Variants in PALS1 observed in about 807,000 individuals in gnomAD.
The protein encoded by PALS1 is protein PALS1.
In PALS1, 31 loss-of-function variants were observed where a neutral mutation model predicts 78.9. That is an observed-to-expected ratio of 0.39 (90% CI 0.30 to 0.53). The LOEUF is 0.53. Ranked by LOEUF, PALS1 falls within the 20% of genes least tolerant of loss-of-function variation. The pLI, the probability that PALS1 is intolerant of heterozygous loss-of-function variation, is 0.67. For missense variants in PALS1, 704 were observed against 826.5 expected (o/e 0.85, Z 1.82); for synonymous variants, 276 against 270.9 (o/e 1.02, Z -0.18).
intron 1 of PALS1, among the ~76,000 whole-genome samples, chr14:67,260,793 T>C (rs1045169376): frequency 3.9e-5 from 6 of 152,168 alleles, no homozygotes; most frequent in African/African-American, 1.4e-4. Context: ...TAAACTTCCT[T>C]TGGGAATGTG....
At chr14:67,253,818 GC>G (rs2084100333) in intron 1 of PALS1, among the ~76,000 whole-genome samples, 1 of 151,138 alleles carries the variant, frequency 6.6e-6, no homozygotes, top group South Asian at 2.1e-4. Flanking sequence ...TTCAGTCTGG[GC>G]AACAGTGAGA....
intron 8 of PALS1, among the ~76,000 whole-genome samples, chr14:67,311,762 C>T (rs2140945682): frequency 6.6e-6 from 1 of 152,264 alleles, no homozygotes; most frequent in Middle Eastern, 3.4e-3. Flanking sequence ...TCCAAAAACA[C>T]ATTATTAGCA....
At position 67,335,885 on chromosome 14, in the gene PALS1, CTCT is replaced by C. The variant is rs980205739; in HGVS notation, c.*2932_*2934del. ...TTCCACACATGTAAAGACCACCCTCCTCTTCAAGTTTTTGCCAAAAGCAAGACC... is the reference window on the plus strand; with the variant it reads ...TTCCACACATGTAAAGACCACCCTCCTCAAGTTTTTGCCAAAAGCAAGACC... On this transcript the variant is annotated 3_prime_UTR_variant, in exon 15 of 15. Coordinates refer to ENST00000261681, the MANE Select transcript of PALS1 (RefSeq NM_022474.4). The C allele has an allele frequency of 3.2e-4, 48 of 152,372 alleles. No individual in the cohort carries two copies. Among genetic ancestry groups the C allele is most frequent in the African/African-American group, 1.1e-3 (46 of 41,574 alleles). 9.4% of individuals were successfully genotyped at this position (152,372 alleles called of 1,614,324 possible).
chr14:67,293,337 A>C (rs1032662668), intron 4 of PALS1, among the ~76,000 whole-genome samples: 3 of 152,160 alleles, frequency 2.0e-5, no homozygotes, highest in African/African-American at 7.2e-5. Context: ...TGGGGAGTAG[A>C]CAGTCTCTCA....
Position 67,335,149 on chromosome 14 carries a change from C to CT in PALS1, c.*2194dup, listed in dbSNP as rs1397678739. ...ATAAATATTTCAAGGTCAGTGAAGTCTATCAATCATTCTCCCCTTCCTCAT... is the reference window on the plus strand; with the variant it reads ...ATAAATATTTCAAGGTCAGTGAAGTCTTATCAATCATTCTCCCCTTCCTCAT... On this transcript the variant is annotated 3_prime_UTR_variant, in exon 15 of 15. Coordinates refer to ENST00000261681, the MANE Select transcript of PALS1 (RefSeq NM_022474.4). The CT allele has an allele frequency of 3.3e-5, 5 of 152,320 alleles. No individual in the cohort carries two copies. The allele number at this position is 152,320 out of a possible 1,614,324, so 9.4% of individuals were successfully genotyped here.
At chr14:67,296,376 A>G (rs909962727) in intron 4 of PALS1, among the ~76,000 whole-genome samples, 1 of 151,986 alleles carries the variant, frequency 6.6e-6, no homozygotes, top group Non-Finnish European at 1.5e-5. Flanking sequence ...CAAGGTGGGC[A>G]GATCACGAGG....
intron 3 of PALS1, among the ~76,000 whole-genome samples, chr14:67,292,244 C>T (rs1406925736): frequency 1.3e-5 from 2 of 152,028 alleles, no homozygotes; most frequent in Non-Finnish European, 2.9e-5. Context: ...TTTTTGCATT[C>T]CTCCCCTCAC....
chr14:67,290,540 G>A (rs746626364), intron 3 of PALS1, among the ~76,000 whole-genome samples: 18 of 152,244 alleles, frequency 1.2e-4, no homozygotes, highest in South Asian at 6.2e-4. Context: ...ACAATGCCTG[G>A]CTAATATTTT....
intron 1 of PALS1, among the ~76,000 whole-genome samples, chr14:67,246,902 G>A (rs558382901): frequency 2.0e-3 from 311 of 152,096 alleles, no homozygotes; most frequent in African/African-American, 7.0e-3. Flanking sequence ...TGCCTGCCCC[G>A]GCTTCCCAAA....
In PALS1 at chr14:67,299,959, A is replaced by C. The variant is rs529396608; in HGVS notation, c.577-1430A>C. On this transcript the variant is annotated intron_variant, in intron 4 of 14. Coordinates refer to ENST00000261681, the MANE Select transcript of PALS1 (RefSeq NM_022474.4). ...CAAATTTCATTTAAAATTAATGTAG[A>C]CTTAATAAACTTTAAAAGGGAAAAT... is the stretch of plus-strand genomic sequence containing the variant. Among the ~76,000 whole-genome samples the C allele has an allele frequency of 6.6e-5, 10 of 152,324 alleles. No homozygotes were observed. The South Asian group carries it at 2.1e-3, about 32-fold the overall frequency.
At chr14:67,242,737 A>G (rs569589998) in intron 1 of PALS1, among the ~76,000 whole-genome samples, 185 of 152,288 alleles carry the variant, frequency 1.2e-3, no homozygotes, top group Non-Finnish European at 2.1e-3. Flanking sequence ...AGATTTATAG[A>G]TAAAACAGGC....
chr14:67,315,268 ATTTTTTTTTT>A lies in PALS1; in HGVS notation c.1226-1547_1226-1538del, dbSNP rs531037352. Among the ~76,000 whole-genome samples, 6 of 101,586 alleles carry A rather than the reference ATTTTTTTTTT, an allele frequency of 5.9e-5. No individual in the cohort carries two copies. In the East Asian group the frequency reaches 1.8e-3, roughly 31 times the overall value. The allele number at this position is 101,586 out of a possible 152,430, so 66.6% of individuals were successfully genotyped here. A position where few individuals can be genotyped will look rare whatever the true frequency, so the allele number is the denominator to read the frequency against. ...TTTAAAAATCGGTTACTTATTTTTA[ATTTTTTTTTT>A]TTTTTTTTTTTTTTTTGAGACAAAA... On this transcript the variant is annotated intron_variant, in intron 9 of 14. Transcript: ENST00000261681.
Position 67,244,468 on chromosome 14 carries a change from T to C in PALS1, c.-237+2935T>C, listed in dbSNP as rs577258893. Among the ~76,000 whole-genome samples, 15 of 152,374 alleles carry C rather than the reference T, an allele frequency of 9.8e-5. No individual in the cohort carries two copies. In the South Asian group the frequency reaches 3.1e-3, roughly 32 times the overall value. On this transcript the variant is annotated intron_variant, in intron 1 of 14. Coordinates refer to ENST00000261681, the MANE Select transcript of PALS1 (RefSeq NM_022474.4). The stretch of plus-strand genomic sequence containing the variant: ...GGTGGATGAGAAATGATATAATTGC[T>C]TCTTTTCTTTAAAAAATATTTAACT...
rs2083919418 is a variant in PALS1 at position 67,242,429 on chromosome 14, T to A, written c.-237+896T>A. On this transcript the variant is annotated intron_variant, in intron 1 of 14. Coordinates refer to ENST00000261681, the MANE Select transcript of PALS1 (RefSeq NM_022474.4). ...TTGATTTGACTGACGCAGTGAAAGG[T>A]GTTAATATTTCTGATTTTTTAAAAA... Among the ~76,000 whole-genome samples the A allele has an allele frequency of 2.0e-5, 3 of 152,326 alleles. No homozygotes were observed. The South Asian group carries it at 6.2e-4, about 32-fold the overall frequency.
intron 8 of PALS1, among the ~76,000 whole-genome samples, chr14:67,305,594 T>G (rs2084990827): frequency 6.6e-6 from 1 of 152,210 alleles, no homozygotes; most frequent in Non-Finnish European, 1.5e-5. Context: ...ACATGTTTTC[T>G]CAACATTTTT....
chr14:67,296,138 TAGAAGGA>T (rs1012520664), intron 4 of PALS1, among the ~76,000 whole-genome samples: 1 of 151,474 alleles, frequency 6.6e-6, no homozygotes, highest in Non-Finnish European at 1.5e-5. Context: ...GGAAAAAACA[TAGAAGGA>T]AATTTAATTT....
chr14:67,246,655 T>TG (rs898557772), intron 1 of PALS1, among the ~76,000 whole-genome samples: 1 of 147,608 alleles, frequency 6.8e-6, no homozygotes, highest in Non-Finnish European at 1.5e-5. Context: ...ATAGGTTTTT[T>TG]TTTTTTTTTT....
chr14:67,327,979 A>G (rs1347469926), intron 14 of PALS1, among the ~76,000 whole-genome samples: 1 of 152,200 alleles, frequency 6.6e-6, no homozygotes, highest in Non-Finnish European at 1.5e-5. Flanking sequence ...ATGATTTATA[A>G]TCCTTTGGGT....
chr14:67,316,362 G>A (rs374277380), intron 9 of PALS1, among the ~76,000 whole-genome samples: 35 of 152,246 alleles, frequency 2.3e-4, no homozygotes, highest in African/African-American at 7.9e-4. Flanking sequence ...GAGGAATTGA[G>A]AATAATGCAT....
Sources: allele counts gnomAD v4.1 joint callset (sites outside exome capture counted in the v4.1 genomes callset), GRCh38; gene constraint gnomAD v4.1.1; transcripts MANE v1.5; gene names NCBI Gene and HGNC (gene_info 2026-07-23, HGNC 2026-07-21).